The following ZNF814 variants were observed in gnomAD, a reference collection of about 807,000 sequenced individuals.
ZNF814 encodes zinc finger protein 814.
A neutral mutation model predicts 7.5 loss-of-function variants in ZNF814; 5 were observed. The observed-to-expected ratio is 0.67, with a 90% CI of 0.35 to 1.40. The LOEUF (loss-of-function observed/expected upper bound fraction) is 1.40. ZNF814 is among the 40% of genes most tolerant of loss of function. The probability of loss-of-function intolerance (pLI) is 0.04; values close to 1 mark genes in which losing one functional copy is unlikely to be tolerated. For synonymous variants in ZNF814, 315 were observed against 340.7 expected, an observed-to-expected ratio of 0.92 and a Z score of 0.83; for missense variants, 962 against 1,018.0, an observed-to-expected ratio of 0.94 and a Z score of 0.75.
At chr19:57,890,528 A>G (rs2071729475), upstream of ZNF814, among the ~76,000 whole-genome samples, 1 of 152,082 alleles carries the variant, frequency 6.6e-6, no homozygotes, top group Non-Finnish European at 1.5e-5. Context: ...TGGGTTGGAG[A>G]TGAAATCATA....
At chr19:57,885,986 A>AC (rs1364321402) in intron 1 of ZNF814, 4 of 151,356 alleles carry the variant, frequency 2.6e-5, no homozygotes, top group African/African-American at 7.3e-5. Flanking sequence ...AAAAAAAAAA[A>AC]AACAAAAAAA....
the ZNF814 span, among the ~76,000 whole-genome samples, chr19:57,904,486 A>C: frequency 6.6e-6 from 1 of 152,090 alleles, no homozygotes; most frequent in Non-Finnish European, 1.5e-5. Flanking sequence ...CACCGGTCCC[A>C]TGCCACCCTC....
upstream of ZNF814, among the ~76,000 whole-genome samples, chr19:57,893,417 G>T (rs1447777736): frequency 1.3e-5 from 2 of 151,638 alleles, no homozygotes; most frequent in African/African-American, 4.8e-5. Flanking sequence ...CAGGTGATCT[G>T]CCCGCCTGGG....
At chr19:57,891,957 T>TTGG (rs903499368), upstream of ZNF814, among the ~76,000 whole-genome samples, 2 of 152,194 alleles carry the variant, frequency 1.3e-5, no homozygotes, top group African/African-American at 4.8e-5. Flanking sequence ...TTTCACTATG[T>TTGG]TGGCCAGGCT....
chr19:57,874,954 T>A lies in ZNF814; in HGVS notation c.436A>T (p.Lys146Ter), dbSNP rs759798710. 1 of 1,612,990 alleles carries A rather than the reference T, an allele frequency of 6.2e-7. No homozygotes were observed. The highest frequency in any genetic ancestry group is 8.5e-7 in the Non-Finnish European group (1 of 1,179,084). The change falls in exon 3 of 3, where the codon AAA (lysine) becomes TAA (stop). Residue 146 changes from lysine (K) to a stop codon, truncating the protein, a stop_gained. Coordinates refer to ENST00000435989, the MANE Select transcript of ZNF814 (RefSeq NM_001144989.2). LOFTEE classifies it low-confidence loss of function (END_TRUNC). ...HQHQNEHIGE[K>*]PYRGSVEEAL... is the part of the protein sequence containing the mutation. ...TCCTCAACACTCCCTCTGTAGGGTTTCTCTCCAATGTGCTCATTCTGGTGC... is the reference window on the plus strand; with the variant it reads ...TCCTCAACACTCCCTCTGTAGGGTTACTCTCCAATGTGCTCATTCTGGTGC...
At chr19:57,878,546 G>A (rs781780589) in intron 1 of ZNF814, among the ~76,000 whole-genome samples, 2 of 146,422 alleles carry the variant, frequency 1.4e-5, no homozygotes, top group South Asian at 2.2e-4. Context: ...TGCAACCTCC[G>A]CCTCCTGGGT....
Position 57,872,393 on chromosome 19 carries a change from T to C in ZNF814, c.*429A>G, listed in dbSNP as rs773685946. ...TGTGTTATGAAGCTAGATTTCTACA[T>C]AAATATCTCACATGTCACACTGGTA... On this transcript the variant is annotated 3_prime_UTR_variant, in exon 3 of 3. Transcript: ENST00000435989. 8.5e-5 allele frequency: 19 copies of C among 224,462 alleles called. No individual in the cohort carries two copies. The highest frequency in any genetic ancestry group is 1.5e-4 in the Non-Finnish European group (17 of 114,262). The allele number at this position is 224,462 out of a possible 1,614,324, so 13.9% of individuals were successfully genotyped here.
intron 1 of ZNF814, among the ~76,000 whole-genome samples, chr19:57,880,573 C>G (rs530564686): frequency 6.8e-6 from 1 of 147,276 alleles, no homozygotes; most frequent in South Asian, 2.1e-4. Context: ...GAATAGAAAG[C>G]TGCACCCATC....
chr19:57,897,688 TC>T, the ZNF814 span, among the ~76,000 whole-genome samples: 2 of 152,148 alleles, frequency 1.3e-5, no homozygotes, highest in African/African-American at 4.8e-5. Flanking sequence ...ACTCCCTACT[TC>T]CTGGGGAGCC....
chr19:57,892,590 A>G (rs1017529106), upstream of ZNF814, among the ~76,000 whole-genome samples: 1 of 152,184 alleles, frequency 6.6e-6, no homozygotes. Flanking sequence ...GCTGATGGCT[A>G]TGGGTGACAG....
chr19:57,885,328 A>G (rs1184835822), intron 1 of ZNF814, among the ~76,000 whole-genome samples: 1 of 150,568 alleles, frequency 6.6e-6, no homozygotes, highest in Non-Finnish European at 1.5e-5. Flanking sequence ...TCTCAAAAAA[A>G]AAAAAAGAAA....
chr19:57,873,060 C>T lies in ZNF814; in HGVS notation c.2330G>A (p.Cys777Tyr). Residue 777 changes from cysteine to tyrosine, a missense_variant, in exon 3 of 3, where the codon TGT (cysteine) becomes TAT (tyrosine). Coordinates refer to ENST00000435989, the MANE Select transcript of ZNF814 (RefSeq NM_001144989.2). ...GGAGCTTTCAGCGAAAGATTTTCCA[C>T]ATTCACTGCACTCATAAGGCTTTTC... Reference protein sequence around the residue: ...TGEKPYECSECGKSFAESSSF... With the variant: ...TGEKPYECSEYGKSFAESSSF... The T allele has an allele frequency of 6.2e-7, 1 of 1,614,000 alleles. No homozygotes were observed.
In ZNF814 at chr19:57,870,978, T is replaced by G. The variant is rs1354443123; in HGVS notation, c.*1844A>C. ...CTGGGCAACAGGGTGAGGCTCTGCC[T>G]CAAAAAAAAAGAAAAAAAAAGAAAA... On this transcript the variant is annotated 3_prime_UTR_variant, in exon 3 of 3. Transcript: ENST00000435989. 1 of 148,050 alleles carries G rather than the reference T, an allele frequency of 6.8e-6. No homozygotes were observed. The highest frequency in any genetic ancestry group is 2.0e-4 in the East Asian group (1 of 5,116). The allele number at this position is 148,050 out of a possible 1,614,324, so 9.2% of individuals were successfully genotyped here. A position where few individuals can be genotyped will look rare whatever the true frequency, so the allele number is the denominator to read the frequency against.
the ZNF814 span, among the ~76,000 whole-genome samples, chr19:57,899,730 TTTTCCTACTAAACATTCACC>T: frequency 6.6e-6 from 1 of 152,174 alleles, no homozygotes; most frequent in Non-Finnish European, 1.5e-5. Context: ...AGTTTTTAGT[TTTTCCTACTAAACATTCACC>T]TACAGGAGTT....
Position 57,888,756 on chromosome 19 carries a change from C to A in ZNF814, c.36+11G>T. On this transcript the variant is annotated intron_variant, in intron 1 of 2. Coordinates refer to ENST00000435989, the MANE Select transcript of ZNF814 (RefSeq NM_001144989.2). Reference sequence around the variant, plus strand: ...GAGGTGACCTGAGGACACAGAAGGCCCCACAATTACCTGAGCGGAGAGCCT... The same window carrying A: ...GAGGTGACCTGAGGACACAGAAGGCACCACAATTACCTGAGCGGAGAGCCT... 6.4e-7 allele frequency: 1 copy of A among 1,553,742 alleles called. No homozygotes were observed. Among genetic ancestry groups the A allele is most frequent in the African/African-American group, 1.4e-5 (1 of 73,180 alleles).
At chr19:57,875,388 A>T (rs1287989247) in intron 2 of ZNF814, among the ~76,000 whole-genome samples, 162 bp from the exon 3 acceptor site, 2 of 152,140 alleles carry the variant, frequency 1.3e-5, no homozygotes, top group African/African-American at 2.4e-5. Context: ...TTATTACTGG[A>T]CTATAACGGT....
intron 1 of ZNF814, among the ~76,000 whole-genome samples, chr19:57,877,271 T>C (rs1180523099): frequency 6.6e-6 from 1 of 152,062 alleles, no homozygotes; most frequent in East Asian, 1.9e-4. Flanking sequence ...GCACTTTCCC[T>C]AGTATGGCCA....
rs7249185 is a variant in ZNF814, at chr19:57,870,485, C to G, written c.*2337G>C. ...CACTGAACTGAGATCTCCCTTCTCCCTATCATCTTCCTCCTGTTAATGCAG... is the reference window on the plus strand; with the variant it reads ...CACTGAACTGAGATCTCCCTTCTCCGTATCATCTTCCTCCTGTTAATGCAG... On this transcript the variant is annotated 3_prime_UTR_variant, in exon 3 of 3. Transcript: ENST00000435989. The G allele has an allele frequency of 2.0e-5, 3 of 152,118 alleles. No individual in the cohort carries two copies. The highest frequency in any genetic ancestry group is 1.3e-4 in the Admixed American group (2 of 15,272). 9.4% of individuals were successfully genotyped at this position (152,118 alleles called of 1,614,324 possible).
At chr19:57,877,299 A>G (rs1249931470) in intron 1 of ZNF814, among the ~76,000 whole-genome samples, 4 of 152,116 alleles carry the variant, frequency 2.6e-5, no homozygotes, top group African/African-American at 4.8e-5. Context: ...GGAAAGCCCA[A>G]TGTGGCACCT....
Sources: allele counts gnomAD v4.1 joint callset (sites outside exome capture counted in the v4.1 genomes callset), GRCh38; gene constraint gnomAD v4.1.1; transcripts MANE v1.5; gene names NCBI Gene and HGNC (gene_info 2026-07-23, HGNC 2026-07-21).